Variants in IL1F10 observed in about 807,000 individuals in gnomAD.
IL1F10 encodes the protein interleukin-1 family member 10.
In IL1F10, 13 loss-of-function variants were observed where a neutral mutation model predicts 13.1. The observed-to-expected ratio is 0.99, with a 90% CI of 0.64 to 1.57. IL1F10 has a LOEUF of 1.57. Ranked by LOEUF, IL1F10 falls within the 40% of genes most tolerant of loss-of-function variation. The pLI is 0.00. For synonymous variants in IL1F10, 78 were observed against 68.2 expected (o/e 1.14, Z -0.71); for missense variants, 191 against 184.1 (o/e 1.04, Z -0.22).
At chr2:113,071,185 C>T (rs1558847024) in intron 1 of IL1F10, among the ~76,000 whole-genome samples, 2 of 152,184 alleles carry the variant, frequency 1.3e-5, no homozygotes, top group African/African-American at 4.8e-5. Flanking sequence ...TTACAGTGTA[C>T]ACTTGATTTA....
chr2:113,071,737 C>G (rs1685839081), intron 1 of IL1F10, among the ~76,000 whole-genome samples: 1 of 152,216 alleles, frequency 6.6e-6, no homozygotes, highest in Non-Finnish European at 1.5e-5. Context: ...CTCAGCATCT[C>G]TCTATTCCTC....
chr2:113,074,218 A>G, intron 2 of IL1F10, 111 bp from the exon 3 acceptor site: 1 of 708,712 alleles, frequency 1.4e-6, no homozygotes, highest in South Asian at 1.6e-5. Context: ...TGTGAAGGAG[A>G]GAAAATCGCC....
intron 1 of IL1F10, among the ~76,000 whole-genome samples, chr2:113,071,723 G>A (rs780993879): frequency 3.3e-5 from 5 of 152,096 alleles, no homozygotes; most frequent in African/African-American, 9.7e-5. Flanking sequence ...CCTCCCCAGG[G>A]TCCCTCAGCA....
intron 4 of IL1F10, 24 bp from the exon 5 acceptor site, chr2:113,075,128 C>T (rs1685913980): frequency 1.3e-6 from 2 of 1,575,018 alleles, no homozygotes; most frequent in Non-Finnish European, 1.7e-6. Context: ...TCTCATTCTG[C>T]AGCCATCCAC....
In IL1F10 at chr2:113,074,798, G is replaced by T. The variant is rs774829810; in HGVS notation, c.194G>T (p.Ser65Ile). 1 of 1,613,626 alleles carries T rather than the reference G, an allele frequency of 6.2e-7. No homozygotes were observed. Among genetic ancestry groups the T allele is most frequent in the South Asian group, 1.1e-5 (1 of 91,056 alleles). Residue 65 changes from serine to isoleucine, a missense_variant, in exon 4 of 5, where the codon AGC becomes ATC. Physicochemically the swap from Ser to Ile is moderately radical, Grantham distance 142 (BLOSUM62 -2). Coordinates refer to ENST00000341010, the MANE Select transcript of IL1F10 (RefSeq NM_173161.3). ...VPIFLGIQGGSRCLACVETEE... is the reference protein window; with the variant it reads ...VPIFLGIQGGIRCLACVETEE... ...ATTTTCCTGGGGATCCAGGGAGGGA[G>T]CCGCTGCCTGGCATGTGTGGAGACA...
intron 2 of IL1F10, 83 bp downstream of exon 2, chr2:113,072,853 G>A: frequency 1.6e-6 from 2 of 1,228,076 alleles, no homozygotes; most frequent in Non-Finnish European, 1.2e-6. Flanking sequence ...CAGAGGATGA[G>A]GCTCCTTCTC....
intron 1 of IL1F10, among the ~76,000 whole-genome samples, chr2:113,071,806 C>T (rs1685840558): frequency 6.6e-6 from 1 of 152,108 alleles, no homozygotes; most frequent in East Asian, 1.9e-4. Context: ...TCATTTTCTG[C>T]TTTCTTATAT....
At chr2:113,070,936 A>AATT (rs1193583507) in intron 1 of IL1F10, among the ~76,000 whole-genome samples, 1 of 152,228 alleles carries the variant, frequency 6.6e-6, no homozygotes, top group Non-Finnish European at 1.5e-5. Context: ...AGGAAATAGT[A>AATT]ATTATACAGA....
intron 2 of IL1F10, 85 bp from the exon 3 acceptor site, chr2:113,074,244 G>A (rs1685893569): frequency 8.4e-6 from 7 of 836,258 alleles, no homozygotes; most frequent in Non-Finnish European, 1.2e-5. Flanking sequence ...GCTCAAGGTG[G>A]TGATTCAGAG....
At chr2:113,070,977 A>C (rs1685825441) in intron 1 of IL1F10, among the ~76,000 whole-genome samples, 2 of 152,236 alleles carry the variant, frequency 1.3e-5, no homozygotes, top group Non-Finnish European at 2.9e-5. Context: ...GGGCAGGCAC[A>C]TTTAGGAGCC....
chr2:113,075,588 T>TCA lies in IL1F10; in HGVS notation c.*227_*228dup, dbSNP rs749440714. The TCA allele has an allele frequency of 8.4e-6, 3 of 357,480 alleles. No individual in the cohort carries two copies. The highest frequency in any genetic ancestry group is 1.5e-5 in the Non-Finnish European group (3 of 200,068). The allele number at this position is 357,480 out of a possible 1,614,324, so 22.1% of individuals were successfully genotyped here. ...GGTTATCCTTGTGGGCTCAGTTTAA[T>TCA]CACAAGAAGGAGGCAGGAAGGGAGA... On this transcript the variant is annotated 3_prime_UTR_variant, in exon 5 of 5. Coordinates refer to ENST00000341010, the MANE Select transcript of IL1F10 (RefSeq NM_173161.3).
chr2:113,075,576 G>C lies in IL1F10; in HGVS notation c.*212G>C, dbSNP rs1685926897. ...GAGACAATCCTGGGTTATCCTTGTG[G>C]GCTCAGTTTAATCACAAGAAGGAGG... On this transcript the variant is annotated 3_prime_UTR_variant, in exon 5 of 5. Coordinates refer to ENST00000341010, the MANE Select transcript of IL1F10 (RefSeq NM_173161.3). The C allele has an allele frequency of 2.7e-6, 1 of 372,620 alleles. No homozygotes were observed. Among genetic ancestry groups the C allele is most frequent in the Non-Finnish European group, 4.8e-6 (1 of 209,884 alleles). The allele number at this position is 372,620 out of a possible 1,614,324, so 23.1% of individuals were successfully genotyped here.
At chr2:113,072,913 T>C (rs1685865234) in intron 2 of IL1F10, 143 bp downstream of exon 2, 3 of 676,182 alleles carry the variant, frequency 4.4e-6, no homozygotes, top group Non-Finnish European at 7.9e-6. Flanking sequence ...ATCACCACAG[T>C]AGCAACAGCT....
chr2:113,069,434 C>G (rs1685795360), intron 1 of IL1F10, among the ~76,000 whole-genome samples: 1 of 152,110 alleles, frequency 6.6e-6, no homozygotes, highest in Non-Finnish European at 1.5e-5. Context: ...AAGAAATAAC[C>G]TGTAGGGACT....
Position 113,074,361 on chromosome 2 carries a change from C to G in IL1F10, c.65C>G (p.Thr22Arg). The G allele has an allele frequency of 6.2e-7, 1 of 1,613,814 alleles. No individual in the cohort carries two copies. The highest frequency in any genetic ancestry group is 8.5e-7 in the Non-Finnish European group (1 of 1,179,708). The change falls in exon 3 of 5, where the codon ACA becomes AGA. Residue 22 changes from threonine (T) to arginine (R), a missense_variant. Physicochemically the swap from Thr to Arg is moderately conservative, Grantham distance 71. Coordinates refer to ENST00000341010, the MANE Select transcript of IL1F10 (RefSeq NM_173161.3). Reference protein sequence around the residue: ...IKYADQKALYTRDGQLLVGDP... With the variant: ...IKYADQKALYRRDGQLLVGDP... ...TATGCAGACCAGAAGGCTCTATACA[C>G]AAGAGATGGCCAGCTGCTGGTGGGA...
Position 113,075,729 on chromosome 2 carries a change from C to A in IL1F10, c.*365C>A, listed in dbSNP as rs192462873. The A allele has an allele frequency of 6.2e-6, 1 of 161,150 alleles. No homozygotes were observed. The highest frequency in any genetic ancestry group is 1.8e-4 in the East Asian group (1 of 5,640). 10.0% of individuals were successfully genotyped at this position (161,150 alleles called of 1,614,324 possible). A position where few individuals can be genotyped will look rare whatever the true frequency, so the allele number is the denominator to read the frequency against. On this transcript the variant is annotated 3_prime_UTR_variant, in exon 5 of 5. Coordinates refer to ENST00000341010, the MANE Select transcript of IL1F10 (RefSeq NM_173161.3). ...GGAAAAGCCAAGGGAACGGATTCTCCTCTAGAGTCTCCGGAAGGAACACAG... is the reference window on the plus strand; with the variant it reads ...GGAAAAGCCAAGGGAACGGATTCTCATCTAGAGTCTCCGGAAGGAACACAG...
Position 113,070,254 on chromosome 2 carries a change from C to T in IL1F10, c.-29+2238C>T, listed in dbSNP as rs777665541. On this transcript the variant is annotated intron_variant, in intron 1 of 4. Transcript: ENST00000341010. ...GGTTCAGCACCAAGACCCAGGCTCT[C>T]TGATGGACCAGACGCTAGCTTCCTA... is the stretch of plus-strand genomic sequence containing the variant. 7.1e-4 allele frequency among the ~76,000 whole-genome samples: 108 copies of T among 152,210 alleles called. 1 individual carries two copies. Among genetic ancestry groups the T allele is most frequent in the Admixed American group, 2.0e-4 (3 of 15,280 alleles).
rs1209766227 is a variant in IL1F10, at chr2:113,075,261, G to T, written c.356G>T (p.Gly119Val). The T allele has an allele frequency of 6.2e-7, 1 of 1,613,510 alleles. No homozygotes were observed. The highest frequency in any genetic ancestry group is 2.2e-5 in the East Asian group (1 of 44,880). Residue 119 changes from glycine (G) to valine (V), a missense_variant, in exon 5 of 5, where the codon GGC becomes GTC. Coordinates refer to ENST00000341010, the MANE Select transcript of IL1F10 (RefSeq NM_173161.3). ...AFRLEAAAWPGWFLCGPAEPQ... is the reference protein window; with the variant it reads ...AFRLEAAAWPVWFLCGPAEPQ... The stretch of plus-strand genomic sequence containing the variant: ...AGGCTTGAGGCTGCTGCCTGGCCTG[G>T]CTGGTTCCTGTGTGGCCCGGCAGAG...
At chr2:113,071,650 G>A (rs1685836749) in intron 1 of IL1F10, among the ~76,000 whole-genome samples, 1 of 152,100 alleles carries the variant, frequency 6.6e-6, no homozygotes. Context: ...CCTGTTTCTG[G>A]AACTTGAGAG....
Sources: allele counts gnomAD v4.1 joint callset (sites outside exome capture counted in the v4.1 genomes callset), GRCh38; gene constraint gnomAD v4.1.1; transcripts MANE v1.5; gene names NCBI Gene and HGNC (gene_info 2026-07-23, HGNC 2026-07-21).